The following GMDS variants were observed in gnomAD, a reference collection of about 807,000 sequenced individuals.
GMDS encodes the protein GDP-mannose 4,6 dehydratase.
In GMDS, 20 loss-of-function variants were observed where a neutral mutation model predicts 49.9. That is an observed-to-expected ratio of 0.40 (90% CI 0.28 to 0.58). The LOEUF (loss-of-function observed/expected upper bound fraction) is 0.58, where lower values mean the gene tolerates loss of function less well. Ranked by LOEUF, GMDS falls within the 20% of genes least tolerant of loss-of-function variation. GMDS has a pLI of 0.42. For missense variants in GMDS, 362 were observed against 481.4 expected (o/e 0.75, Z 2.32); for synonymous variants, 177 against 178.6 (o/e 0.99, Z 0.07).
chr6:2,053,536 TTTCA>T (rs1581578936), intron 4 of GMDS, among the ~76,000 whole-genome samples: 1 of 152,116 alleles, frequency 6.6e-6, no homozygotes, highest in East Asian at 1.9e-4. Context: ...TTTTTACATT[TTTCA>T]TTATTTTCCA....
At chr6:2,133,644 A>C (rs1323416526) in intron 1 of GMDS, among the ~76,000 whole-genome samples, 3 of 152,214 alleles carry the variant, frequency 2.0e-5, no homozygotes, top group Non-Finnish European at 4.4e-5. Flanking sequence ...GACAGACAGG[A>C]AACATTGTAA....
chr6:2,081,050 A>G (rs1772663525), intron 4 of GMDS, among the ~76,000 whole-genome samples: 1 of 152,202 alleles, frequency 6.6e-6, no homozygotes, highest in Non-Finnish European at 1.5e-5. Flanking sequence ...CTCATACAAT[A>G]GTCTCACAAA....
chr6:1,779,084 T>C (rs1768967981), intron 7 of GMDS, among the ~76,000 whole-genome samples: 1 of 152,098 alleles, frequency 6.6e-6, no homozygotes, highest in Admixed American at 6.5e-5. Flanking sequence ...GTACTCTGTT[T>C]AGAAATCAGA....
intron 1 of GMDS, among the ~76,000 whole-genome samples, chr6:2,236,438 C>T (rs1581842219): frequency 6.6e-6 from 1 of 152,202 alleles, no homozygotes; most frequent in East Asian, 1.9e-4. Flanking sequence ...CTGTCTTTCT[C>T]CTTGACTGGG....
At chr6:1,842,624 TC>T (rs1299392873) in intron 7 of GMDS, among the ~76,000 whole-genome samples, 4 of 152,152 alleles carry the variant, frequency 2.6e-5, no homozygotes, top group Non-Finnish European at 5.9e-5. Context: ...CAACTGCAAA[TC>T]CCAGCCTACC....
At chr6:1,839,094 A>G (rs781276768) in intron 7 of GMDS, among the ~76,000 whole-genome samples, 27 of 152,264 alleles carry the variant, frequency 1.8e-4, no homozygotes, top group Middle Eastern at 6.8e-3. Flanking sequence ...ATCTAATTTC[A>G]TAGTTGGCTA....
chr6:2,104,436 A>G (rs1774106341), intron 4 of GMDS, among the ~76,000 whole-genome samples: 1 of 152,218 alleles, frequency 6.6e-6, no homozygotes, highest in Non-Finnish European at 1.5e-5. Flanking sequence ...ATCTTTCACT[A>G]CAACTGCAAG....
At chr6:1,803,110 C>T (rs574736484) in intron 7 of GMDS, among the ~76,000 whole-genome samples, 22 of 152,292 alleles carry the variant, frequency 1.4e-4, no homozygotes, top group East Asian at 3.9e-4. Context: ...TGTGGAACCT[C>T]ATGCAGGCAG....
At chr6:2,007,729 G>C (rs1767288734) in intron 4 of GMDS, among the ~76,000 whole-genome samples, 1 of 152,132 alleles carries the variant, frequency 6.6e-6, no homozygotes, top group African/African-American at 2.4e-5. Flanking sequence ...AAAAGAGCCT[G>C]ATGTTTTAAT....
Position 1,871,024 on chromosome 6 carries a change from A to C in GMDS, c.771+59079T>G, listed in dbSNP as rs181253507. ...TAGAGAGAAATGCCTCTCCTTTCCA[A>C]ACTGCATCCACCCATCCATATCACT... On this transcript the variant is annotated intron_variant, in intron 7 of 10. Transcript: ENST00000380815. Among the ~76,000 whole-genome samples the C allele has an allele frequency of 9.3e-5, 14 of 151,102 alleles. No homozygotes were observed. In the East Asian group the frequency reaches 2.5e-3, roughly 27 times the overall value.
chr6:1,677,674 T>C (rs945790929), intron 9 of GMDS, among the ~76,000 whole-genome samples: 1 of 151,808 alleles, frequency 6.6e-6, no homozygotes, highest in Non-Finnish European at 1.5e-5. Flanking sequence ...GAAACCATCA[T>C]TCTGAGCAAA....
intron 9 of GMDS, among the ~76,000 whole-genome samples, chr6:1,708,144 A>G (rs1581487996): frequency 6.6e-6 from 1 of 152,114 alleles, no homozygotes; most frequent in South Asian, 2.1e-4. Context: ...GCTTGTCCAC[A>G]CCCTCCTGGG....
At chr6:1,716,489 A>G (rs1272139230) in intron 9 of GMDS, among the ~76,000 whole-genome samples, 6 of 152,244 alleles carry the variant, frequency 3.9e-5, no homozygotes, top group Non-Finnish European at 8.8e-5. Flanking sequence ...GACAGCAAGA[A>G]AGAAAAAGGC....
At chr6:2,187,993 G>A (rs899647457) in intron 1 of GMDS, among the ~76,000 whole-genome samples, 1 of 152,216 alleles carries the variant, frequency 6.6e-6, no homozygotes, top group African/African-American at 2.4e-5. Flanking sequence ...CCTCCTTGCA[G>A]AGCATTCAGC....
chr6:1,927,458 T>C (rs1762080891), intron 7 of GMDS, among the ~76,000 whole-genome samples: 1 of 152,264 alleles, frequency 6.6e-6, no homozygotes, highest in South Asian at 2.1e-4. Flanking sequence ...ACATGCTGGC[T>C]TGTGAAAGGC....
chr6:1,661,264 C>A (rs894954167), intron 9 of GMDS, among the ~76,000 whole-genome samples: 15 of 152,170 alleles, frequency 9.9e-5, no homozygotes, highest in African/African-American at 3.4e-4. Context: ...GTGGATTGCA[C>A]AGCAGGTGCT....
intron 1 of GMDS, among the ~76,000 whole-genome samples, chr6:2,160,785 C>T (rs1777359893): frequency 6.6e-6 from 1 of 152,286 alleles, no homozygotes; most frequent in South Asian, 2.1e-4. Flanking sequence ...ACCTCGGCCT[C>T]CCAAAGTGCT....
intron 7 of GMDS, among the ~76,000 whole-genome samples, chr6:1,928,299 A>C (rs1050779238): frequency 1.3e-5 from 2 of 151,418 alleles, no homozygotes; most frequent in Admixed American, 1.3e-4. Context: ...CGGGAGGCAG[A>C]GGTTGCAGTG....
At chr6:1,648,362 C>T (rs781163801) in intron 9 of GMDS, among the ~76,000 whole-genome samples, 13 of 152,210 alleles carry the variant, frequency 8.5e-5, no homozygotes, top group Non-Finnish European at 1.8e-4. Context: ...TTCTCTCCAG[C>T]GTCATGCTTT....
Sources: gnomAD v4.1 joint callset for allele counts (sites outside exome capture counted in the v4.1 genomes callset) on GRCh38, gnomAD v4.1.1 for gene constraint, MANE v1.5 for transcripts, NCBI Gene and HGNC (gene_info 2026-07-23, HGNC 2026-07-21) for gene names.